C10orf67: variants seen among roughly 807,000 people sequenced by gnomAD.
The protein encoded by C10orf67 is chromosome 10 open reading frame 67.
A neutral mutation model predicts 35.6 loss-of-function variants in C10orf67; 60 were observed. The ratio of observed to expected loss-of-function variants is 1.68; its 90% CI spans 1.37 to 2.09. The LOEUF is 2.09. C10orf67 is among the 30% of genes most tolerant of loss of function. The probability of loss-of-function intolerance (pLI) is 0.00; values close to 1 mark genes in which losing one functional copy is unlikely to be tolerated. For synonymous variants in C10orf67, 167 were observed against 115.8 expected (o/e 1.44, Z -2.84); for missense variants, 474 against 330.2 (o/e 1.44, Z -3.38).
In C10orf67 at chr10:23,266,285, C is replaced by G; in HGVS notation, c.1177G>C (p.Ala393Pro). 2.5e-6 allele frequency: 1 copy of G among 398,580 alleles called. No individual in the cohort carries two copies. The highest frequency in any genetic ancestry group is 4.4e-5 in the Admixed American group (1 of 22,724). The allele number at this position is 398,580 out of a possible 1,614,324, so 24.7% of individuals were successfully genotyped here. Residue 393 changes from alanine to proline, a missense_variant, in exon 10 of 16, where the codon GCT (alanine) becomes CCT (proline). Physicochemically the swap from Ala to Pro is conservative, Grantham distance 27. Coordinates refer to ENST00000636213, the MANE Select transcript of C10orf67 (RefSeq NM_001371909.1). ...GAQKAKMPKK[A>P]LKEDQAVVED... ...ACCACAGCTTGGTCTTCCTTTAAAG[C>G]CTTCTTTGGCATTTTAGCTTTCTGG...
At chr10:23,336,710 C>T (rs917148068) in intron 1 of C10orf67, among the ~76,000 whole-genome samples, 2 of 152,008 alleles carry the variant, frequency 1.3e-5, no homozygotes, top group African/African-American at 2.4e-5. Context: ...GATGAAGTCT[C>T]CCCATGTTGG....
At position 23,315,155 on chromosome 10, in the gene C10orf67, A is replaced by G. The variant is rs574802392; in HGVS notation, c.546+5586T>C. 1.3e-4 allele frequency among the ~76,000 whole-genome samples: 20 copies of G among 152,356 alleles called. No individual in the cohort carries two copies. The East Asian group carries it at 3.9e-3, about 29-fold the overall frequency. ...CCAACAAGCCAAAGCAAAGATTCCAATAATGACTTTAATTTAATTTAATAT... is the reference window on the plus strand; with the variant it reads ...CCAACAAGCCAAAGCAAAGATTCCAGTAATGACTTTAATTTAATTTAATAT... On this transcript the variant is annotated intron_variant, in intron 4 of 15. Transcript: ENST00000636213.
intron 1 of C10orf67, among the ~76,000 whole-genome samples, chr10:23,339,059 C>T (rs1222694470): frequency 2.6e-5 from 4 of 152,138 alleles, no homozygotes; most frequent in Non-Finnish European, 4.4e-5. Flanking sequence ...TCATAACTCA[C>T]GCCCAAAATT....
At chr10:23,227,879 A>G (rs1211418152) in intron 13 of C10orf67, among the ~76,000 whole-genome samples, 1 of 152,178 alleles carries the variant, frequency 6.6e-6, no homozygotes, top group Admixed American at 6.5e-5. Flanking sequence ...TCCAACTTAC[A>G]AGGGATGTGA....
intron 15 of C10orf67, among the ~76,000 whole-genome samples, chr10:23,204,686 C>A (rs972338896): frequency 6.6e-6 from 1 of 152,118 alleles, no homozygotes; most frequent in Non-Finnish European, 1.5e-5. Flanking sequence ...TGGAAATAGA[C>A]GGGGCCTGTG....
intron 15 of C10orf67, among the ~76,000 whole-genome samples, chr10:23,212,823 G>GAGAGAGAGAGAGAC (rs1354842224): frequency 7.1e-6 from 1 of 141,514 alleles, no homozygotes; most frequent in Non-Finnish European, 1.5e-5. Flanking sequence ...GAGAGAGAGA[G>GAGAGAGAGAGAGAC]ACGTAAGCAT....
chr10:23,279,112 A>G (rs1299898392), intron 8 of C10orf67, among the ~76,000 whole-genome samples: 1 of 152,200 alleles, frequency 6.6e-6, no homozygotes, highest in East Asian at 1.9e-4. Flanking sequence ...TATTTTAAAA[A>G]TTAGATTGTG....
intron 13 of C10orf67, among the ~76,000 whole-genome samples, chr10:23,235,130 G>A (rs957245688): frequency 4.3e-4 from 65 of 151,640 alleles, no homozygotes; most frequent in African/African-American, 1.5e-3. Flanking sequence ...ATTGGCAAAA[G>A]GACTGACAAA....
chr10:23,331,143 G>A (rs1225452224), intron 2 of C10orf67, among the ~76,000 whole-genome samples: 5 of 144,880 alleles, frequency 3.5e-5, no homozygotes, highest in African/African-American at 1.3e-4. Context: ...GAACCGAGAC[G>A]GGAACCAGGA....
At chr10:23,329,751 G>A (rs1042372706) in intron 2 of C10orf67, among the ~76,000 whole-genome samples, 1 of 122,710 alleles carries the variant, frequency 8.1e-6, no homozygotes, top group Non-Finnish European at 1.6e-5. Context: ...AGTGAGTTAT[G>A]ATTGTCACTG....
At chr10:23,237,212 T>A (rs548987479) in intron 13 of C10orf67, among the ~76,000 whole-genome samples, 2 of 152,182 alleles carry the variant, frequency 1.3e-5, no homozygotes, top group Admixed American at 1.3e-4. Flanking sequence ...AAGGACATGA[T>A]CTCGTTCTTT....
chr10:23,296,585 C>T (rs989784620), intron 5 of C10orf67, among the ~76,000 whole-genome samples: 6 of 152,272 alleles, frequency 3.9e-5, no homozygotes, highest in South Asian at 2.1e-4. Context: ...GATGACCGCT[C>T]TAATTGCTTC....
intron 10 of C10orf67, among the ~76,000 whole-genome samples, chr10:23,261,659 C>T (rs377526661): frequency 2.6e-5 from 4 of 152,252 alleles, no homozygotes; most frequent in African/African-American, 9.6e-5. Context: ...TACCTTTATT[C>T]CCTAATTGAG....
At chr10:23,309,210 T>G (rs1482022961) in intron 4 of C10orf67, among the ~76,000 whole-genome samples, 2 of 152,220 alleles carry the variant, frequency 1.3e-5, no homozygotes, top group African/African-American at 4.8e-5. Flanking sequence ...TATGCAGCCA[T>G]TAAAAAGAAT....
chr10:23,318,586 C>T (rs146793195), intron 4 of C10orf67: 218 of 283,696 alleles, frequency 7.7e-4, no homozygotes, highest in Non-Finnish European at 1.1e-3. Flanking sequence ...TCAGATTCCA[C>T]CTCTTGATGG....
intron 1 of C10orf67, 155 bp downstream of exon 1, chr10:23,344,414 C>G (rs1846055765): frequency 2.7e-6 from 2 of 752,124 alleles, no homozygotes; most frequent in Middle Eastern, 3.8e-4. Flanking sequence ...ACTGTCCCGC[C>G]TGCCTCAAGG....
chr10:23,259,769 T>G (rs904208845), intron 10 of C10orf67, among the ~76,000 whole-genome samples: 35 of 152,008 alleles, frequency 2.3e-4, no homozygotes, highest in African/African-American at 8.2e-4. Context: ...ACAATCAAGA[T>G]GAATAATTTG....
intron 7 of C10orf67, among the ~76,000 whole-genome samples, chr10:23,282,602 G>C (rs976756259): frequency 5.3e-5 from 8 of 151,948 alleles, no homozygotes; most frequent in Admixed American, 3.9e-4. Flanking sequence ...AGGCTGAGGC[G>C]GGTGGATCAC....
chr10:23,223,237 C>T (rs1027720605), intron 15 of C10orf67, among the ~76,000 whole-genome samples: 7 of 151,978 alleles, frequency 4.6e-5, no homozygotes, highest in African/African-American at 1.5e-4. Context: ...CCATGCCTGG[C>T]TAATTTTTGT....
Sources: gnomAD v4.1 joint callset for allele counts (sites outside exome capture counted in the v4.1 genomes callset) on GRCh38, gnomAD v4.1.1 for gene constraint, MANE v1.5 for transcripts, NCBI Gene and HGNC (gene_info 2026-07-23, HGNC 2026-07-21) for gene names.